APOBEC3H: variants seen among roughly 807,000 people sequenced by gnomAD.
APOBEC3H encodes the protein apolipoprotein B mRNA editing enzyme catalytic subunit 3H.
A neutral mutation model predicts 21.2 loss-of-function variants in APOBEC3H; 8 were observed. That is an observed-to-expected ratio of 0.38 (90% CI 0.22 to 0.68). The LOEUF (loss-of-function observed/expected upper bound fraction) is 0.68. APOBEC3H is among the 30% of genes least tolerant of loss of function. The pLI is 0.52. For missense variants in APOBEC3H, 229 were observed against 228.1 expected (o/e 1.00, Z -0.03); for synonymous variants, 88 against 91.0 (o/e 0.97, Z 0.19).
intron 1 of APOBEC3H, among the ~76,000 whole-genome samples, chr22:39,098,307 G>T (rs182809419): frequency 2.8e-4 from 42 of 152,192 alleles, no homozygotes; most frequent in African/African-American, 8.4e-4. Context: ...CGCAATCTCG[G>T]CTCACTACAA....
rs969490191 is a variant in APOBEC3H at position 39,102,738 on chromosome 22, A to G, written c.543+696A>G. The G allele has an allele frequency of 9.3e-6, 5 of 536,048 alleles. No individual in the cohort carries two copies. In the Admixed American group the frequency reaches 1.4e-4, roughly 15 times the overall value. 33.2% of individuals were successfully genotyped at this position (536,048 alleles called of 1,614,324 possible). On this transcript the variant is annotated intron_variant, in intron 4 of 4. Coordinates refer to ENST00000442487, the MANE Select transcript of APOBEC3H (RefSeq NM_181773.5). ...TTAACTCGGCCAGGCACAGTGGCTC[A>G]CGCCTGTAGTCCCAGCACTGGGAGG...
At position 39,102,035 on chromosome 22, in the gene APOBEC3H, G is replaced by C; in HGVS notation, c.536G>C (p.Arg179Thr). ...CGAGCCATAAAGCGACGGCTTGAGA[G>C]GATAAAGGTGAGGCACTGTCCTGCC... ...NSRAIKRRLE[R>T]IKQS The change falls in exon 4 of 5, where the codon AGG (arginine) becomes ACG (threonine). Residue 179 changes from arginine (R) to threonine (T), a missense_variant. By Grantham distance (71) the Arg-to-Thr change is moderately conservative. Coordinates refer to ENST00000442487, the MANE Select transcript of APOBEC3H (RefSeq NM_181773.5). 2 of 1,613,736 alleles carry C rather than the reference G, an allele frequency of 1.2e-6. No homozygotes were observed. Among genetic ancestry groups the C allele is most frequent in the Non-Finnish European group, 1.7e-6 (2 of 1,179,814 alleles).
chr22:39,102,171 C>T, intron 4 of APOBEC3H, 129 bp downstream of exon 4: 1 of 1,345,982 alleles, frequency 7.4e-7, no homozygotes, highest in Non-Finnish European at 9.8e-7. Flanking sequence ...TTTTTTGAGA[C>T]AGGGTCTCAC....
chr22:39,098,988 G>T (rs1364377599), intron 1 of APOBEC3H, among the ~76,000 whole-genome samples: 1 of 152,090 alleles, frequency 6.6e-6, no homozygotes, highest in Non-Finnish European at 1.5e-5. Flanking sequence ...GAGGTCAAAG[G>T]AGTTCAAGAC....
chr22:39,102,494 T>TAAAAGA, intron 4 of APOBEC3H: 1 of 718,292 alleles, frequency 1.4e-6, no homozygotes, highest in East Asian at 2.7e-5. Flanking sequence ...CACCAGGGGC[T>TAAAAGA]CCTTCTTGTT....
intron 1 of APOBEC3H, 82 bp from the exon 2 acceptor site, chr22:39,100,190 T>C (rs2146316888): frequency 6.8e-7 from 1 of 1,461,516 alleles, no homozygotes; most frequent in Non-Finnish European, 9.4e-7. Context: ...AAAAAAGAGT[T>C]GGGTTTGAAA....
rs975231754 is a variant in APOBEC3H, at chr22:39,103,745, C to T, written c.*48C>T. On this transcript the variant is annotated 3_prime_UTR_variant, in exon 5 of 5. Coordinates refer to ENST00000442487, the MANE Select transcript of APOBEC3H (RefSeq NM_181773.5). Reference sequence around the variant, plus strand: ...ACTTAAGAAGTTTGCAGCTTGGACCCGTATCCCACTCATTATCAAGAAGCA... The same window carrying T: ...ACTTAAGAAGTTTGCAGCTTGGACCTGTATCCCACTCATTATCAAGAAGCA... The T allele has an allele frequency of 5.0e-6, 8 of 1,608,330 alleles. No individual in the cohort carries two copies. The highest frequency in any genetic ancestry group is 1.3e-5 in the African/African-American group (1 of 74,784).
chr22:39,101,833 G>C (rs1929373156), intron 3 of APOBEC3H, 85 bp from the exon 4 acceptor site: 2 of 1,595,946 alleles, frequency 1.3e-6, no homozygotes, highest in Admixed American at 3.3e-5. Context: ...GGGAGAGGAA[G>C]AGAAGAGAGG....
intron 4 of APOBEC3H, 67 bp downstream of exon 4, chr22:39,102,109 C>T (rs1430101203): frequency 1.3e-6 from 2 of 1,572,672 alleles, no homozygotes; most frequent in African/African-American, 2.7e-5. Context: ...TACCCAGTCA[C>T]ACCTCTGCCC....
intron 1 of APOBEC3H, among the ~76,000 whole-genome samples, chr22:39,098,371 A>G (rs2146313164): frequency 6.6e-6 from 1 of 152,298 alleles, no homozygotes; most frequent in Non-Finnish European, 1.5e-5. Flanking sequence ...AAAATGGCTC[A>G]TGCCTGTAAT....
chr22:39,103,859 T>C lies in APOBEC3H; in HGVS notation c.*162T>C. On this transcript the variant is annotated 3_prime_UTR_variant, in exon 5 of 5. Coordinates refer to ENST00000442487, the MANE Select transcript of APOBEC3H (RefSeq NM_181773.5). ...CACTAAGCTCCACAGTGCCAGTTCC[T>C]TGCCCCAACCTGGCCCCATCCAAGT... 1.1e-6 allele frequency: 1 copy of C among 897,056 alleles called. No individual in the cohort carries two copies. The highest frequency in any genetic ancestry group is 1.4e-5 in the South Asian group (1 of 72,486). The allele number at this position is 897,056 out of a possible 1,614,324, so 55.6% of individuals were successfully genotyped here.
At position 39,101,269 on chromosome 22, in the gene APOBEC3H, C is replaced by T. The variant is rs763011975; in HGVS notation, c.183C>T (p.Asn61=). The change falls in exon 3 of 5, where the codon AAC becomes AAT. Residue 61 remains asparagine (N), a synonymous_variant. Transcript: ENST00000442487. Reference sequence around the variant, plus strand: ...GCCATGCAGAAATTTGCTTTATTAACGAGATCAAGTCCATGGGACTGGACG... The same window carrying T: ...GCCATGCAGAAATTTGCTTTATTAATGAGATCAAGTCCATGGGACTGGACG... ...KKCHAEICFI[N]EIKSMGLDET... 19 of 1,612,398 alleles carry T rather than the reference C, an allele frequency of 1.2e-5. No individual in the cohort carries two copies. The East Asian group carries it at 1.6e-4, about 13-fold the overall frequency.
At chr22:39,101,807 G>A in intron 3 of APOBEC3H, 111 bp from the exon 4 acceptor site, 1 of 1,548,242 alleles carries the variant, frequency 6.5e-7, no homozygotes, top group Non-Finnish European at 8.9e-7. Context: ...GAATTCCCCA[G>A]ACAGAGCAAT....
At chr22:39,101,049 T>C (rs1344417292) in intron 2 of APOBEC3H, among the ~76,000 whole-genome samples, 188 bp from the exon 3 acceptor site, 2 of 152,040 alleles carry the variant, frequency 1.3e-5, no homozygotes, top group African/African-American at 2.4e-5. Context: ...AGTGCAGGGC[T>C]GTATAAACCA....
intron 4 of APOBEC3H, chr22:39,102,495 CCTT>C: frequency 1.4e-6 from 1 of 718,190 alleles, no homozygotes. Flanking sequence ...ACCAGGGGCT[CCTT>C]CTTGTTCTTT....
intron 3 of APOBEC3H, 82 bp from the exon 4 acceptor site, chr22:39,101,836 A>G: frequency 6.3e-7 from 1 of 1,598,112 alleles, no homozygotes; most frequent in South Asian, 1.1e-5. Flanking sequence ...AGAGGAAGAG[A>G]AGAGAGGGGA....
chr22:39,098,171 G>A (rs775822332), intron 1 of APOBEC3H, among the ~76,000 whole-genome samples: 5 of 152,234 alleles, frequency 3.3e-5, no homozygotes, highest in East Asian at 1.9e-4. Flanking sequence ...GCAGCCTCAC[G>A]TGAGCTCAGA....
intron 2 of APOBEC3H, 101 bp from the exon 3 acceptor site, chr22:39,101,136 G>GGCCCCCCCCCCCCCCCCCC: frequency 2.6e-6 from 1 of 378,522 alleles, no homozygotes. Context: ...AGACCCCTCT[G>GGCCCCCCCCCCCCCCCCCC]CCCCCCCATC....
intron 4 of APOBEC3H, 57 bp downstream of exon 4, chr22:39,102,099 T>A (rs1003111913): frequency 6.3e-7 from 1 of 1,592,680 alleles, no homozygotes; most frequent in African/African-American, 1.3e-5. Context: ...CGCAGCCCCA[T>A]ACCCAGTCAC....
Sources: gnomAD v4.1 joint callset for allele counts (sites outside exome capture counted in the v4.1 genomes callset) on GRCh38, gnomAD v4.1.1 for gene constraint, MANE v1.5 for transcripts, NCBI Gene and HGNC (gene_info 2026-07-23, HGNC 2026-07-21) for gene names.